The following NHEJ1 variants were observed in gnomAD, a reference collection of about 807,000 sequenced individuals.
NHEJ1 encodes the protein non-homologous end joining factor 1, also known as non-homologous end-joining factor 1.
Under a neutral mutation model 39.4 loss-of-function variants are expected in NHEJ1, and 22 were observed. The observed-to-expected ratio is 0.56, with a 90% CI of 0.40 to 0.80. The LOEUF is 0.80. Among genes scored for constraint, NHEJ1 ranks in the 30% least tolerant of loss-of-function variants. The pLI, the probability that NHEJ1 is intolerant of heterozygous loss-of-function variation, is 0.00. For missense variants in NHEJ1, 329 were observed against 357.1 expected, an observed-to-expected ratio of 0.92 and a Z score of 0.63; for synonymous variants, 154 against 135.6, an observed-to-expected ratio of 1.14 and a Z score of -0.94.
chr2:219,096,911 T>C (rs1391755541), intron 5 of NHEJ1, among the ~76,000 whole-genome samples: 1 of 152,188 alleles, frequency 6.6e-6, no homozygotes, highest in East Asian at 1.9e-4. Context: ...TGCAGAGTTC[T>C]GAGCAAGGAA....
At chr2:219,098,420 T>G (rs1043399210) in intron 5 of NHEJ1, among the ~76,000 whole-genome samples, 3 of 152,168 alleles carry the variant, frequency 2.0e-5, no homozygotes, top group Admixed American at 1.3e-4. Context: ...ATTTCCTTGA[T>G]AGGTGAGATA....
chr2:219,090,521 G>C (rs906183965), intron 5 of NHEJ1, among the ~76,000 whole-genome samples: 2 of 152,126 alleles, frequency 1.3e-5, no homozygotes, highest in Non-Finnish European at 2.9e-5. Flanking sequence ...GATAAGACAG[G>C]GTTCACTGCC....
chr2:219,142,367 G>A (rs532519416), intron 5 of NHEJ1, among the ~76,000 whole-genome samples: 1 of 152,298 alleles, frequency 6.6e-6, no homozygotes, highest in South Asian at 2.1e-4. Context: ...TGTAGAGGGC[G>A]GGGCTCTATT....
chr2:219,120,447 T>C (rs929788172), intron 5 of NHEJ1, among the ~76,000 whole-genome samples: 2 of 152,076 alleles, frequency 1.3e-5, no homozygotes, highest in African/African-American at 4.8e-5. Flanking sequence ...TGAAGAAATA[T>C]AAGAAGAAGG....
At chr2:219,130,602 G>A (rs192740650) in intron 5 of NHEJ1, among the ~76,000 whole-genome samples, 3 of 152,270 alleles carry the variant, frequency 2.0e-5, no homozygotes, top group African/African-American at 7.2e-5. Context: ...TTCCAAGCTA[G>A]AACTTCCACA....
At position 219,157,788 on chromosome 2, in the gene NHEJ1, T is replaced by G. The variant is rs538766377; in HGVS notation, c.178-104A>C. On this transcript the variant is annotated intron_variant, in intron 2 of 7. Transcript: ENST00000356853. ...CTGGTTAACACGAAGGCAATGGACA[T>G]GAGAGGAAGGGGAGAGAAGATAAAA... 14 of 889,568 alleles carry G rather than the reference T, an allele frequency of 1.6e-5. No individual in the cohort carries two copies. The South Asian group carries it at 2.0e-4, about 13-fold the overall frequency. The allele number at this position is 889,568 out of a possible 1,614,324, so 55.1% of individuals were successfully genotyped here. A position where few individuals can be genotyped will look rare whatever the true frequency, so the allele number is the denominator to read the frequency against.
chr2:219,078,490 G>C (rs937352523), intron 5 of NHEJ1, among the ~76,000 whole-genome samples: 4 of 152,076 alleles, frequency 2.6e-5, no homozygotes, highest in Non-Finnish European at 5.9e-5. Flanking sequence ...TTTTCCAAAG[G>C]GATGATTTCT....
At chr2:219,114,982 AG>A (rs1328961344) in intron 5 of NHEJ1, among the ~76,000 whole-genome samples, 4 of 152,268 alleles carry the variant, frequency 2.6e-5, no homozygotes, top group African/African-American at 9.6e-5. Flanking sequence ...CTAATGTGAG[AG>A]GGGGAAAGAG....
intron 5 of NHEJ1, among the ~76,000 whole-genome samples, chr2:219,084,944 T>C (rs1432276613): frequency 6.6e-6 from 1 of 152,222 alleles, no homozygotes; most frequent in Non-Finnish European, 1.5e-5. Flanking sequence ...AGCAAGAGTA[T>C]TCTGCACAGC....
chr2:219,110,760 C>T (rs1028048523), intron 5 of NHEJ1, among the ~76,000 whole-genome samples: 1 of 152,012 alleles, frequency 6.6e-6, no homozygotes, highest in African/African-American at 2.4e-5. Context: ...GCAGAGGGAA[C>T]GGCAAGTGAG....
At position 219,138,538 on chromosome 2, in the gene NHEJ1, A is replaced by G. The variant is rs572927213; in HGVS notation, c.588+8142T>C. Among the ~76,000 whole-genome samples, 7 of 152,370 alleles carry G rather than the reference A, an allele frequency of 4.6e-5. 1 individual carries two copies. In the East Asian group the frequency reaches 1.3e-3, roughly 29 times the overall value. On this transcript the variant is annotated intron_variant, in intron 5 of 7. Transcript: ENST00000356853. ...TTCTTCTTCTATTCAACAAACACTT[A>G]TAGAGTGCCTACTATGTGTGGAGGC...
rs757690167 is a variant in NHEJ1, at chr2:219,146,684, A to G, written c.584T>C (p.Ile195Thr). 2.5e-6 allele frequency: 4 copies of G among 1,608,576 alleles called. No homozygotes were observed. The change falls in exon 5 of 8, where the codon ATA becomes ACA. Residue 195 changes from isoleucine to threonine, a missense_variant. Coordinates refer to ENST00000356853, the MANE Select transcript of NHEJ1 (RefSeq NM_024782.3). ...AGAAAATGACAAATACCTTACCTCT[A>G]TCATAAATTGTTCCAAGAAGGAATT... is the stretch of plus-strand genomic sequence containing the variant. ...EENSFLEQFM[I>T]EKLPEACSIG...
chr2:219,098,826 G>A (rs1949231291), intron 5 of NHEJ1, among the ~76,000 whole-genome samples: 1 of 152,154 alleles, frequency 6.6e-6, no homozygotes, highest in South Asian at 2.1e-4. Context: ...GAAGAAACTA[G>A]TCAGCATGGT....
At chr2:219,076,483 G>C (rs747889805) in intron 7 of NHEJ1, 28 bp from the exon 8 acceptor site, 4 of 1,607,808 alleles carry the variant, frequency 2.5e-6, no homozygotes, top group Non-Finnish European at 3.4e-6. Context: ...CAAGTTAGTA[G>C]GGGTTTTGAA....
intron 5 of NHEJ1, among the ~76,000 whole-genome samples, chr2:219,138,274 A>T (rs1949655894): frequency 6.6e-6 from 1 of 152,216 alleles, no homozygotes. Flanking sequence ...CTAAAAAAAG[A>T]GAGGTTCTGG....
At chr2:219,088,173 A>G (rs1238577723) in intron 5 of NHEJ1, among the ~76,000 whole-genome samples, 1 of 152,252 alleles carries the variant, frequency 6.6e-6, no homozygotes, top group African/African-American at 2.4e-5. Flanking sequence ...GGCAGTATCT[A>G]TTAAATCTAA....
chr2:219,131,021 C>T (rs940387351), intron 5 of NHEJ1, among the ~76,000 whole-genome samples: 2 of 152,070 alleles, frequency 1.3e-5, no homozygotes, highest in African/African-American at 4.8e-5. Context: ...GAGCCTGGAA[C>T]ATCAAGTCTG....
At position 219,157,518 on chromosome 2, in the gene NHEJ1, A is replaced by T; in HGVS notation, c.344T>A (p.Leu115His). 6.2e-7 allele frequency: 1 copy of T among 1,614,154 alleles called. No homozygotes were observed. The highest frequency in any genetic ancestry group is 8.5e-7 in the Non-Finnish European group (1 of 1,180,040). Reference protein sequence around the residue: ...ILRVRSELSGLPFYWNFHCML... With the variant: ...ILRVRSELSGHPFYWNFHCML... Reference sequence around the variant, plus strand: ...GCAGTGGAAATTCCAATAGAAGGGGAGGCCAGAGAGCTCACTTCGCACCCG... The same window carrying T: ...GCAGTGGAAATTCCAATAGAAGGGGTGGCCAGAGAGCTCACTTCGCACCCG... Residue 115 changes from leucine (L) to histidine (H), a missense_variant, in exon 3 of 8, where the codon CTC becomes CAC. Coordinates refer to ENST00000356853, the MANE Select transcript of NHEJ1 (RefSeq NM_024782.3).
intron 5 of NHEJ1, among the ~76,000 whole-genome samples, chr2:219,089,486 A>G (rs1158148025): frequency 1.3e-5 from 2 of 152,222 alleles, no homozygotes; most frequent in African/African-American, 4.8e-5. Context: ...GCCAGACACG[A>G]AAGACCACAT....
Sources: allele counts gnomAD v4.1 joint callset (sites outside exome capture counted in the v4.1 genomes callset), GRCh38; gene constraint gnomAD v4.1.1; transcripts MANE v1.5; gene names NCBI Gene and HGNC (gene_info 2026-07-23, HGNC 2026-07-21).